Variants in KIRREL3 observed in about 807,000 individuals in gnomAD.
KIRREL3 encodes the protein kin of IRRE-like protein 3.
A neutral mutation model predicts 89.7 loss-of-function variants in KIRREL3; 36 were observed. That is an observed-to-expected ratio of 0.40 (90% CI 0.31 to 0.53). The LOEUF (loss-of-function observed/expected upper bound fraction) is 0.53. KIRREL3 is among the 20% of genes least tolerant of loss of function. The pLI, the probability that KIRREL3 is intolerant of heterozygous loss-of-function variation, is 0.49. For missense variants in KIRREL3, 864 were observed against 1,056.6 expected (o/e 0.82, Z 2.53); for synonymous variants, 445 against 441.4 (o/e 1.01, Z -0.10).
At chr11:126,881,606 G>A (rs1238833728) in intron 1 of KIRREL3, among the ~76,000 whole-genome samples, 1 of 152,160 alleles carries the variant, frequency 6.6e-6, no homozygotes, top group Non-Finnish European at 1.5e-5. Flanking sequence ...GGAGTGCAGT[G>A]GTGCAATCTT....
Position 126,730,389 on chromosome 11 carries a change from A to T in KIRREL3, c.56-167477T>A, listed in dbSNP as rs574651000. Among the ~76,000 whole-genome samples, 12 of 152,260 alleles carry T rather than the reference A, an allele frequency of 7.9e-5. No homozygotes were observed. The South Asian group carries it at 2.5e-3, about 32-fold the overall frequency. Reference sequence around the variant, plus strand: ...CTGGCCTCCACCCTCTCCTCACCCTATACGTCTGGTCAATCATGCCTTCCT... The same window carrying T: ...CTGGCCTCCACCCTCTCCTCACCCTTTACGTCTGGTCAATCATGCCTTCCT... On this transcript the variant is annotated intron_variant, in intron 1 of 16. Coordinates refer to ENST00000525144, the MANE Select transcript of KIRREL3 (RefSeq NM_032531.4).
intron 1 of KIRREL3, among the ~76,000 whole-genome samples, chr11:126,822,647 G>T (rs1943266456): frequency 6.6e-6 from 1 of 152,156 alleles, no homozygotes; most frequent in African/African-American, 2.4e-5. Flanking sequence ...AGAAATTCAG[G>T]CAGGGCTTGG....
chr11:126,425,498 A>T, intron 16 of KIRREL3, 140 bp downstream of exon 16: 1 of 716,664 alleles, frequency 1.4e-6, no homozygotes. Flanking sequence ...TTAGGCAGGG[A>T]CGGGCACCTG....
chr11:126,431,394 G>A lies in KIRREL3; in HGVS notation c.1696+25C>T. The A allele has an allele frequency of 6.2e-7, 1 of 1,613,470 alleles. No homozygotes were observed. Among genetic ancestry groups the A allele is most frequent in the Non-Finnish European group, 8.5e-7 (1 of 1,179,698 alleles). On this transcript the variant is annotated intron_variant, in intron 14 of 16. Transcript: ENST00000525144. The surrounding 1 kb of genome is among the most constrained non-coding windows in gnomAD (Gnocchi z 7.1). ...GGCCTTTTTCTCTGTCCCCCTCCCT[G>A]AGATCCCGGATCTCCCTCCCGTACT...
chr11:126,539,162 T>C (rs1938156757), intron 2 of KIRREL3, among the ~76,000 whole-genome samples: 1 of 152,032 alleles, frequency 6.6e-6, no homozygotes, highest in African/African-American at 2.4e-5. Flanking sequence ...CAATACTTGT[T>C]GAGTTGTTTG....
At chr11:126,831,642 G>A (rs4331105) in intron 1 of KIRREL3, among the ~76,000 whole-genome samples, 131,234 of 152,156 alleles carry the variant, frequency 0.86, 56,933 homozygotes, top group East Asian at 1. Context: ...GAGTCCCTGA[G>A]TGACTTTTAC....
At position 126,489,229 on chromosome 11, in the gene KIRREL3, C is replaced by T. The variant is rs57306031; in HGVS notation, c.434-15763G>A. Among the ~76,000 whole-genome samples the T allele has an allele frequency of 0.088, 13,377 of 152,136 alleles. 1,934 individuals carry two copies. The highest frequency in any genetic ancestry group is 0.3 in the African/African-American group (12,413 of 41,448). The stretch of plus-strand genomic sequence containing the variant: ...GCATGGGAATCACTGCTGGCTGGAC[C>T]CGGGTGCCTGGCTCGATGGGAGCTT... On this transcript the variant is annotated intron_variant, in intron 4 of 16. Transcript: ENST00000525144. The surrounding 1 kb of genome is among the most constrained non-coding windows in gnomAD (Gnocchi z 5.5).
At chr11:126,661,488 G>T (rs577879881) in intron 1 of KIRREL3, among the ~76,000 whole-genome samples, 1 of 152,332 alleles carries the variant, frequency 6.6e-6, no homozygotes, top group East Asian at 1.9e-4. Flanking sequence ...CTATGTCTAG[G>T]ATTAATCTGT....
rs984723155 is a variant in KIRREL3, at chr11:126,567,061, C to T, written c.56-4149G>A. Among the ~76,000 whole-genome samples the T allele has an allele frequency of 3.9e-5, 6 of 152,184 alleles. No homozygotes were observed. The South Asian group carries it at 1.2e-3, about 32-fold the overall frequency. On this transcript the variant is annotated intron_variant, in intron 1 of 16. Transcript: ENST00000525144. Reference sequence around the variant, plus strand: ...AATCAAGACAGACCAGAGACTAGAGCACAGATCAGCGGTGTGGGCTGGGAC... The same window carrying T: ...AATCAAGACAGACCAGAGACTAGAGTACAGATCAGCGGTGTGGGCTGGGAC...
At chr11:126,599,123 T>G (rs1383659272) in intron 1 of KIRREL3, among the ~76,000 whole-genome samples, 1 of 152,218 alleles carries the variant, frequency 6.6e-6, no homozygotes, top group Non-Finnish European at 1.5e-5. Context: ...CATCTGCTGT[T>G]TCAAGCTGCT....
chr11:126,824,197 C>G (rs1004404455), intron 1 of KIRREL3, among the ~76,000 whole-genome samples: 2 of 152,156 alleles, frequency 1.3e-5, no homozygotes, highest in Non-Finnish European at 2.9e-5. Flanking sequence ...AGAACTGTCC[C>G]CAGGCATCCC....
intron 1 of KIRREL3, among the ~76,000 whole-genome samples, chr11:126,731,193 A>G (rs1028401197): frequency 1.3e-5 from 2 of 152,096 alleles, no homozygotes; most frequent in Non-Finnish European, 2.9e-5. Context: ...AAAGCTCCCT[A>G]TGATCTGGCC....
rs180849684 is a variant in KIRREL3, at chr11:126,445,922, G to A, written c.1126-817C>T. ...CCAGCACTTTGGGAGGCCGAGGTGG[G>A]CGGATCACCTGAGGTTGGGAGTTTG... is the stretch of plus-strand genomic sequence containing the variant. On this transcript the variant is annotated intron_variant, in intron 9 of 16. Transcript: ENST00000525144. Among the ~76,000 whole-genome samples, 3 of 152,314 alleles carry A rather than the reference G, an allele frequency of 2.0e-5. No individual in the cohort carries two copies. The East Asian group carries it at 5.8e-4, about 29-fold the overall frequency.
Position 126,872,793 on chromosome 11 carries a change from T to A in KIRREL3, c.55+127662A>T, listed in dbSNP as rs192346185. On this transcript the variant is annotated intron_variant, in intron 1 of 16. Coordinates refer to ENST00000525144, the MANE Select transcript of KIRREL3 (RefSeq NM_032531.4). This position sits in a 1 kb window ranked among gnomAD's most constrained non-coding sequence, Gnocchi z 4.2. ...AAATTAGATACTGATCAGCTCTCCA[T>A]TTCCATAGTGTGTTGAATAATACCC... Among the ~76,000 whole-genome samples the A allele has an allele frequency of 1.4e-4, 22 of 152,338 alleles. No individual in the cohort carries two copies. The East Asian group carries it at 4.1e-3, about 28-fold the overall frequency.
intron 1 of KIRREL3, among the ~76,000 whole-genome samples, chr11:126,590,203 C>A (rs1219278224): frequency 6.6e-6 from 1 of 152,170 alleles, no homozygotes. Flanking sequence ...TTTGTTAATA[C>A]CCCCTTTCAA....
Position 126,575,255 on chromosome 11 carries a change from C to T in KIRREL3, c.56-12343G>A, listed in dbSNP as rs1941196842. ...GTCGGGGCAGGTTCTCTCTTGGCTC[C>T]TGAGGCCAAGAGAAGCCAGCCTAGG... On this transcript the variant is annotated intron_variant, in intron 1 of 16. Transcript: ENST00000525144. The surrounding 1 kb of genome is among the most constrained non-coding windows in gnomAD (Gnocchi z 7.0). Among the ~76,000 whole-genome samples the T allele has an allele frequency of 6.6e-6, 1 of 152,192 alleles. No individual in the cohort carries two copies. The highest frequency in any genetic ancestry group is 2.1e-4 in the South Asian group (1 of 4,834).
chr11:126,595,064 T>G (rs1028762185), intron 1 of KIRREL3, among the ~76,000 whole-genome samples: 2 of 152,222 alleles, frequency 1.3e-5, no homozygotes, highest in African/African-American at 4.8e-5. Context: ...TGGCACTGTT[T>G]CCATGCAGCT....
rs547984162 is a variant in KIRREL3 at position 126,755,648 on chromosome 11, C to T, written c.56-192736G>A. ...ACTTCCCTGAGTGCCTGTACACCCC[C>T]GCCCCCAATTCTTGTTGCCAGAGAG... On this transcript the variant is annotated intron_variant, in intron 1 of 16. Transcript: ENST00000525144. The surrounding 1 kb of genome is among the most constrained non-coding windows in gnomAD (Gnocchi z 4.3). Among the ~76,000 whole-genome samples, 15 of 152,306 alleles carry T rather than the reference C, an allele frequency of 9.8e-5. No homozygotes were observed. Among genetic ancestry groups the T allele is most frequent in the South Asian group, 6.2e-4 (3 of 4,816 alleles).
At chr11:126,457,445 A>G (rs1028933900) in intron 6 of KIRREL3, among the ~76,000 whole-genome samples, 4 of 149,464 alleles carry the variant, frequency 2.7e-5, no homozygotes, top group Admixed American at 1.3e-4. Context: ...GTGTATGTGT[A>G]TGTGTGTGTA....
Sources: allele counts gnomAD v4.1 joint callset (sites outside exome capture counted in the v4.1 genomes callset), GRCh38; gene constraint gnomAD v4.1.1; non-coding constraint Gnocchi (gnomAD v3.1); transcripts MANE v1.5; gene names NCBI Gene and HGNC (gene_info 2026-07-23, HGNC 2026-07-21).